The following MACROD2 variants were observed in gnomAD, a reference collection of about 807,000 sequenced individuals.
MACROD2 encodes the protein ADP-ribose glycohydrolase MACROD2.
Under a neutral mutation model 70.4 loss-of-function variants are expected in MACROD2, and 36 were observed. The observed-to-expected ratio is 0.51, with a 90% CI of 0.39 to 0.68. The LOEUF (loss-of-function observed/expected upper bound fraction) is 0.68. Among genes scored for constraint, MACROD2 ranks in the 30% least tolerant of loss-of-function variants. The pLI, the probability that MACROD2 is intolerant of heterozygous loss-of-function variation, is 0.00. For synonymous variants in MACROD2, 172 were observed against 178.8 expected (o/e 0.96, Z 0.30); for missense variants, 496 against 538.4 (o/e 0.92, Z 0.78).
chr20:15,273,987 T>C (rs1482089043), intron 6 of MACROD2, among the ~76,000 whole-genome samples: 1 of 152,140 alleles, frequency 6.6e-6, no homozygotes, highest in African/African-American at 2.4e-5. Context: ...TAAACAACAG[T>C]AGCTATTATT....
intron 5 of MACROD2, among the ~76,000 whole-genome samples, chr20:15,172,560 G>T (rs991632835): frequency 1.3e-5 from 2 of 150,742 alleles, no homozygotes; most frequent in African/African-American, 2.4e-5. Flanking sequence ...CTACTGTTTT[G>T]TTTTTTTTTC....
At chr20:15,014,299 A>G (rs2075104911) in intron 5 of MACROD2, among the ~76,000 whole-genome samples, 1 of 152,192 alleles carries the variant, frequency 6.6e-6, no homozygotes, top group Non-Finnish European at 1.5e-5. Flanking sequence ...AATGTAGAGT[A>G]CGGCGAGAAG....
At chr20:14,617,177 G>A (rs947932665) in intron 4 of MACROD2, among the ~76,000 whole-genome samples, 1 of 151,984 alleles carries the variant, frequency 6.6e-6, no homozygotes, top group Non-Finnish European at 1.5e-5. Flanking sequence ...CCTTGGTTTG[G>A]GTGACAACTC....
chr20:14,832,662 T>C (rs2072984741), intron 5 of MACROD2, among the ~76,000 whole-genome samples: 1 of 152,180 alleles, frequency 6.6e-6, no homozygotes, highest in African/African-American at 2.4e-5. Context: ...TTGTTATAAT[T>C]ATCTTTTTCC....
At chr20:15,307,721 C>T (rs1048885439) in intron 6 of MACROD2, among the ~76,000 whole-genome samples, 2 of 152,112 alleles carry the variant, frequency 1.3e-5, no homozygotes, top group Admixed American at 6.5e-5. Flanking sequence ...AGTTGTCCTA[C>T]TAATGTCCTT....
intron 3 of MACROD2, among the ~76,000 whole-genome samples, chr20:14,218,584 T>G (rs1331562969): frequency 6.6e-6 from 1 of 152,204 alleles, no homozygotes; most frequent in African/African-American, 2.4e-5. Flanking sequence ...GTTTTTTGTT[T>G]TTTTGTGTGT....
chr20:14,862,909 C>T (rs1331591344), intron 5 of MACROD2, among the ~76,000 whole-genome samples: 2 of 150,184 alleles, frequency 1.3e-5, no homozygotes, highest in African/African-American at 2.5e-5. Flanking sequence ...ATATGGGAGC[C>T]AAACTTTTAG....
At chr20:15,215,377 A>G (rs1014170114) in intron 5 of MACROD2, among the ~76,000 whole-genome samples, 2 of 151,734 alleles carry the variant, frequency 1.3e-5, no homozygotes, top group African/African-American at 2.4e-5. Context: ...AAAACTATGA[A>G]GATCTTAGCA....
chr20:15,959,607 G>T (rs963520630), intron 12 of MACROD2, among the ~76,000 whole-genome samples: 4 of 152,230 alleles, frequency 2.6e-5, no homozygotes, highest in Non-Finnish European at 5.9e-5. Flanking sequence ...TTGGCTCACC[G>T]CAACCTCCGC....
intron 4 of MACROD2, among the ~76,000 whole-genome samples, chr20:14,672,620 C>T (rs1431689142): frequency 6.6e-6 from 1 of 152,188 alleles, no homozygotes; most frequent in Non-Finnish European, 1.5e-5. Flanking sequence ...ATGAGCTAAG[C>T]ACTGTACATG....
chr20:15,601,365 G>C (rs1379075546), intron 8 of MACROD2, among the ~76,000 whole-genome samples: 1 of 152,080 alleles, frequency 6.6e-6, no homozygotes, highest in African/African-American at 2.4e-5. Flanking sequence ...CCACTTAAAT[G>C]TGTGCGCCCA....
At chr20:14,466,818 G>A (rs749090295) in intron 3 of MACROD2, among the ~76,000 whole-genome samples, 2 of 152,062 alleles carry the variant, frequency 1.3e-5, no homozygotes, top group African/African-American at 2.4e-5. Flanking sequence ...CTGTTTTCCT[G>A]GGTTTCAGCA....
chr20:14,447,829 G>A lies in MACROD2; in HGVS notation c.272-45650G>A, dbSNP rs140815692. ...TGAGAGGACTGCCAGAGACCGCAGA[G>A]CAACTTCAGCAGTCTTTGAGTAATG... On this transcript the variant is annotated intron_variant, in intron 3 of 17. Transcript: ENST00000684519. 7.9e-5 allele frequency among the ~76,000 whole-genome samples: 12 copies of A among 151,958 alleles called. No homozygotes were observed. In the East Asian group the frequency reaches 2.3e-3, roughly 30 times the overall value.
intron 4 of MACROD2, among the ~76,000 whole-genome samples, chr20:14,653,585 G>A (rs1204103283): frequency 6.7e-6 from 1 of 149,598 alleles, no homozygotes; most frequent in African/African-American, 2.5e-5. Context: ...CACACTCCTT[G>A]CCTCAAGTGA....
chr20:15,871,551 AAATAATCAAGTAT>A (rs2064583808), intron 9 of MACROD2, among the ~76,000 whole-genome samples: 2 of 152,230 alleles, frequency 1.3e-5, no homozygotes, highest in Non-Finnish European at 2.9e-5. Context: ...CAATATTAGC[AAATAATCAAGTAT>A]AACATTGATA....
At chr20:14,872,797 A>G (rs1306809772) in intron 5 of MACROD2, among the ~76,000 whole-genome samples, 1 of 152,102 alleles carries the variant, frequency 6.6e-6, no homozygotes, top group Non-Finnish European at 1.5e-5. Context: ...TTTATAAAGG[A>G]AAGGGGTTTA....
At chr20:14,070,860 C>A (rs1162373520) in intron 2 of MACROD2, among the ~76,000 whole-genome samples, 1 of 152,150 alleles carries the variant, frequency 6.6e-6, no homozygotes, top group African/African-American at 2.4e-5. Flanking sequence ...CTCCCAGCAT[C>A]TTATTCTTTT....
At chr20:14,807,627 G>C (rs1286970789) in intron 5 of MACROD2, among the ~76,000 whole-genome samples, 1 of 152,078 alleles carries the variant, frequency 6.6e-6, no homozygotes, top group Non-Finnish European at 1.5e-5. Flanking sequence ...CAGAAGGTGA[G>C]TAATAACAAA....
intron 5 of MACROD2, among the ~76,000 whole-genome samples, chr20:15,044,981 A>T (rs899505483): frequency 6.6e-6 from 1 of 152,168 alleles, no homozygotes; most frequent in African/African-American, 2.4e-5. Context: ...TGTCAATGTA[A>T]GAGTTTTCTA....
Sources: allele counts gnomAD v4.1 joint callset (sites outside exome capture counted in the v4.1 genomes callset), GRCh38; gene constraint gnomAD v4.1.1; transcripts MANE v1.5; gene names NCBI Gene and HGNC (gene_info 2026-07-23, HGNC 2026-07-21).